The following DCC variants were observed in gnomAD, a reference collection of about 807,000 sequenced individuals.
DCC encodes netrin receptor DCC.
DCC carries 58 observed loss-of-function variants against 172.5 expected under a neutral mutation model. That is an observed-to-expected ratio of 0.34 (90% CI 0.27 to 0.42). The LOEUF is 0.42. DCC is among the 10% of genes least tolerant of loss of function. The pLI is 1.00. For missense variants in DCC, 1,740 were observed against 1,791.0 expected (o/e 0.97, Z 0.51); for synonymous variants, 709 against 644.5 (o/e 1.10, Z -1.52).
At chr18:52,500,790 G>C (rs1438668531) in intron 1 of DCC, among the ~76,000 whole-genome samples, 1 of 151,916 alleles carries the variant, frequency 6.6e-6, no homozygotes, top group Non-Finnish European at 1.5e-5. Flanking sequence ...AAGGAGAGAG[G>C]ATAACAACAT....
chr18:53,070,213 T>A (rs1162621666), intron 7 of DCC, among the ~76,000 whole-genome samples: 1 of 152,112 alleles, frequency 6.6e-6, no homozygotes, highest in Non-Finnish European at 1.5e-5. Context: ...TTAGCCAGGC[T>A]GGTCTCGAAC....
intron 2 of DCC, among the ~76,000 whole-genome samples, chr18:52,887,876 C>G (rs748074526): frequency 4.6e-5 from 7 of 152,082 alleles, no homozygotes; most frequent in Non-Finnish European, 1.0e-4. Context: ...GTTGGTTTTT[C>G]CAAGTAGGAG....
chr18:52,815,098 T>G (rs1470913161), intron 2 of DCC, among the ~76,000 whole-genome samples: 2 of 152,100 alleles, frequency 1.3e-5, no homozygotes, highest in African/African-American at 4.8e-5. Flanking sequence ...CCAAATATAG[T>G]AAAAGACTTT....
At chr18:52,999,347 A>G (rs764434911) in intron 5 of DCC, among the ~76,000 whole-genome samples, 21 of 152,090 alleles carry the variant, frequency 1.4e-4, no homozygotes, top group Non-Finnish European at 2.8e-4. Flanking sequence ...GACATCAGGC[A>G]AAAATGCTCT....
intron 5 of DCC, among the ~76,000 whole-genome samples, chr18:53,033,196 C>T (rs1170584868): frequency 2.6e-5 from 4 of 152,198 alleles, no homozygotes; most frequent in Non-Finnish European, 5.9e-5. Context: ...GGCAAAACCC[C>T]AAGCATGCCA....
At chr18:53,218,659 G>A (rs1467512214) in intron 12 of DCC, among the ~76,000 whole-genome samples, 1 of 152,072 alleles carries the variant, frequency 6.6e-6, no homozygotes, top group Non-Finnish European at 1.5e-5. Context: ...TCATAGTGAG[G>A]TGGTTATTTC....
At chr18:53,367,282 G>A (rs2058016926) in intron 15 of DCC, among the ~76,000 whole-genome samples, 1 of 151,438 alleles carries the variant, frequency 6.6e-6, no homozygotes, top group African/African-American at 2.4e-5. Flanking sequence ...AAAAAAATGA[G>A]TATAGCCCTC....
At chr18:53,376,871 TTGAG>T (rs1400752649) in intron 15 of DCC, among the ~76,000 whole-genome samples, 1 of 152,206 alleles carries the variant, frequency 6.6e-6, no homozygotes, top group African/African-American at 2.4e-5. Flanking sequence ...CCTTTCTTCA[TTGAG>T]TAACAAATTA....
chr18:52,462,625 G>A (rs544439972), intron 1 of DCC, among the ~76,000 whole-genome samples: 1 of 152,162 alleles, frequency 6.6e-6, no homozygotes, highest in South Asian at 2.1e-4. Context: ...CCCAGATACA[G>A]TCTCTATCCC....
intron 1 of DCC, among the ~76,000 whole-genome samples, chr18:52,664,672 C>T (rs977374077): frequency 6.6e-6 from 1 of 151,664 alleles, no homozygotes; most frequent in African/African-American, 2.4e-5. Context: ...GGGGTTTCAC[C>T]GTGTTAGCCA....
At chr18:52,838,185 C>G (rs372999309) in intron 2 of DCC, among the ~76,000 whole-genome samples, 1 of 147,688 alleles carries the variant, frequency 6.8e-6, no homozygotes, top group Admixed American at 6.8e-5. Flanking sequence ...GGAGCACTCT[C>G]TATTTGTCCT....
chr18:52,797,018 T>C (rs2037889090), intron 2 of DCC, among the ~76,000 whole-genome samples: 1 of 151,790 alleles, frequency 6.6e-6, no homozygotes, highest in African/African-American at 2.4e-5. Context: ...TCCTTTTTTT[T>C]TTCTTCTGCC....
intron 12 of DCC, among the ~76,000 whole-genome samples, chr18:53,282,395 A>C (rs1256872090): frequency 6.6e-6 from 1 of 152,052 alleles, no homozygotes; most frequent in East Asian, 1.9e-4. Context: ...TTCCTTCCCC[A>C]AGATTAGCTA....
At chr18:53,091,200 A>T (rs562165437) in intron 7 of DCC, among the ~76,000 whole-genome samples, 1 of 151,832 alleles carries the variant, frequency 6.6e-6, no homozygotes, top group Non-Finnish European at 1.5e-5. Context: ...GTGTACTTAG[A>T]ACTCATATAG....
At chr18:53,037,868 A>G (rs956393051) in intron 5 of DCC, among the ~76,000 whole-genome samples, 1 of 151,948 alleles carries the variant, frequency 6.6e-6, no homozygotes, top group Non-Finnish European at 1.5e-5. Context: ...TGAATGAGAT[A>G]AAATACTGTG....
chr18:52,715,221 A>AAT (rs1331927902), intron 1 of DCC, among the ~76,000 whole-genome samples: 54 of 150,792 alleles, frequency 3.6e-4, no homozygotes, highest in East Asian at 9.7e-4. Flanking sequence ...GTATATATAA[A>AAT]ATATATATAT....
intron 5 of DCC, among the ~76,000 whole-genome samples, chr18:53,055,851 G>A (rs1375818378): frequency 6.6e-6 from 1 of 152,026 alleles, no homozygotes; most frequent in Non-Finnish European, 1.5e-5. Flanking sequence ...AAGAGGGGAA[G>A]GAAGGAGTAT....
intron 14 of DCC, among the ~76,000 whole-genome samples, chr18:53,338,293 A>G (rs2057614225): frequency 6.6e-6 from 1 of 152,144 alleles, no homozygotes; most frequent in Non-Finnish European, 1.5e-5. Context: ...CCTCAAACAT[A>G]ATAGTTGTTG....
rs190125114 is a variant in DCC, at chr18:53,039,594, A to G, written c.986-23711A>G. Among the ~76,000 whole-genome samples the G allele has an allele frequency of 5.2e-3, 787 of 152,060 alleles. 6 individuals carry two copies. The highest frequency in any genetic ancestry group is 0.022 in the Admixed American group (342 of 15,260). Reference sequence around the variant, plus strand: ...AAGCCCATGCTGTGGCAGAGGTTGGAAAGAGGCTTCTTGACTCTACTTGTC... The same window carrying G: ...AAGCCCATGCTGTGGCAGAGGTTGGGAAGAGGCTTCTTGACTCTACTTGTC... On this transcript the variant is annotated intron_variant, in intron 5 of 28. Transcript: ENST00000442544.
Sources: allele counts gnomAD v4.1 joint callset (sites outside exome capture counted in the v4.1 genomes callset), GRCh38; gene constraint gnomAD v4.1.1; transcripts MANE v1.5; gene names NCBI Gene and HGNC (gene_info 2026-07-23, HGNC 2026-07-21).